PTPRG: variants seen among roughly 807,000 people sequenced by gnomAD.
PTPRG encodes the protein protein tyrosine phosphatase receptor type G, also known as receptor-type tyrosine-protein phosphatase gamma.
PTPRG carries 102 observed loss-of-function variants against 165.3 expected under a neutral mutation model. The observed-to-expected ratio is 0.62, with a 90% CI of 0.53 to 0.73. PTPRG has a LOEUF of 0.73. PTPRG is among the 30% of genes least tolerant of loss of function. The pLI is 0.00. For synonymous variants in PTPRG, 675 were observed against 669.5 expected (o/e 1.01, Z -0.13); for missense variants, 1,866 against 1,861.4 (o/e 1.00, Z -0.05).
At chr3:61,695,972 G>T (rs1198831606) in intron 1 of PTPRG, among the ~76,000 whole-genome samples, 1 of 152,134 alleles carries the variant, frequency 6.6e-6, no homozygotes, top group Non-Finnish European at 1.5e-5. Flanking sequence ...GATGGAGTGA[G>T]ATAGGGATTT....
chr3:61,880,666 G>C (rs2037863652), intron 2 of PTPRG, among the ~76,000 whole-genome samples: 1 of 151,328 alleles, frequency 6.6e-6, no homozygotes, highest in Non-Finnish European at 1.5e-5. Flanking sequence ...ATGGCCAGGT[G>C]ATGAGGTATG....
At position 62,219,075 on chromosome 3, in the gene PTPRG, A is replaced by C; in HGVS notation, c.2288+92A>C. The C allele has an allele frequency of 3.3e-6, 5 of 1,494,096 alleles. No homozygotes were observed. The highest frequency in any genetic ancestry group is 4.5e-6 in the Non-Finnish European group (5 of 1,102,102). 92.6% of individuals were successfully genotyped at this position (1,494,096 alleles called of 1,614,324 possible). A position where few individuals can be genotyped will look rare whatever the true frequency, so the allele number is the denominator to read the frequency against. ...GGGGAATCCCACGGCCTCTGCATTC[A>C]GGAAGGTGAGGTAGCTTAAGTGTTT... is the stretch of plus-strand genomic sequence containing the variant. On this transcript the variant is annotated intron_variant, in intron 13 of 29. Coordinates refer to ENST00000474889, the MANE Select transcript of PTPRG (RefSeq NM_002841.4). This position sits in a 1 kb window ranked among gnomAD's most constrained non-coding sequence, Gnocchi z 4.5.
At chr3:62,181,600 A>G (rs539512139) in intron 8 of PTPRG, among the ~76,000 whole-genome samples, 1 of 152,300 alleles carries the variant, frequency 6.6e-6, no homozygotes, top group South Asian at 2.1e-4. Flanking sequence ...AAAAGCGTGT[A>G]ATTATATATG....
rs1424020745 is a variant in PTPRG at position 62,198,439 on chromosome 3, G to A, written c.1328-3066G>A. On this transcript the variant is annotated intron_variant, in intron 10 of 29. Coordinates refer to ENST00000474889, the MANE Select transcript of PTPRG (RefSeq NM_002841.4). ...CAAATACCTGCAGTCTTCAACAAAA[G>A]GTTGAAAATATTGATGAGATATTCA... is the stretch of plus-strand genomic sequence containing the variant. Among the ~76,000 whole-genome samples the A allele has an allele frequency of 4.6e-5, 7 of 152,112 alleles. No homozygotes were observed. The South Asian group carries it at 1.5e-3, about 32-fold the overall frequency.
At position 62,191,519 on chromosome 3, in the gene PTPRG, G is replaced by A. The variant is rs952319612; in HGVS notation, c.1084G>A (p.Ala362Thr). Residue 362 changes from alanine to threonine, a missense_variant, in exon 9 of 30, where the codon GCA (alanine) becomes ACA (threonine). Physicochemically the swap from Ala to Thr is moderately conservative, Grantham distance 58 (BLOSUM62 0). Around this residue, in one of 3 missense-constraint regions of PTPRG, gnomAD observed 1,452 missense variants for 1,463.0 expected, o/e 0.99. Transcript: ENST00000474889. The part of the protein sequence containing the change: ...HMKVQPLNQT[A>T]LQVSWSQPET... ...GAAGGTGCAGCCTCTGAACCAGACG[G>A]CACTGCAGGTGTCCTGGAGCCAGCC... The A allele has an allele frequency of 2.5e-6, 4 of 1,613,994 alleles. No homozygotes were observed. The highest frequency in any genetic ancestry group is 1.7e-5 in the Admixed American group (1 of 59,994).
chr3:62,195,748 A>C lies in PTPRG; in HGVS notation c.1327+578A>C, dbSNP rs1183878463. Among the ~76,000 whole-genome samples the C allele has an allele frequency of 6.6e-6, 1 of 152,150 alleles. No homozygotes were observed. The highest frequency in any genetic ancestry group is 6.5e-5 in the Admixed American group (1 of 15,268). On this transcript the variant is annotated intron_variant, in intron 10 of 29. Transcript: ENST00000474889. This position sits in a 1 kb window ranked among gnomAD's most constrained non-coding sequence, Gnocchi z 4.4. ...TTGCTCAAAATTTTAAGGGGCACCA[A>C]AAAATTGAGTGACCAAGAGACATAA...
chr3:61,971,091 C>T (rs753175375), intron 2 of PTPRG, among the ~76,000 whole-genome samples: 1 of 152,166 alleles, frequency 6.6e-6, no homozygotes, highest in Non-Finnish European at 1.5e-5. Context: ...ATGTCGCTGT[C>T]ACCCAGGCTG....
At chr3:61,794,205 A>T (rs1399575669) in intron 2 of PTPRG, among the ~76,000 whole-genome samples, 1 of 152,178 alleles carries the variant, frequency 6.6e-6, no homozygotes, top group African/African-American at 2.4e-5. Flanking sequence ...TTAAAAAAAA[A>T]TCAGAATAGA....
chr3:61,928,297 G>A (rs1423574537), intron 2 of PTPRG, among the ~76,000 whole-genome samples: 1 of 152,156 alleles, frequency 6.6e-6, no homozygotes, highest in Non-Finnish European at 1.5e-5. Flanking sequence ...CTCTCCTGCA[G>A]AATAATGCGA....
intron 2 of PTPRG, among the ~76,000 whole-genome samples, chr3:61,949,456 A>G (rs2039843324): frequency 6.6e-6 from 1 of 152,190 alleles, no homozygotes; most frequent in Admixed American, 6.5e-5. Flanking sequence ...TTGGTGGTGG[A>G]GAAACCACAA....
At chr3:61,890,717 A>G (rs910281633) in intron 2 of PTPRG, among the ~76,000 whole-genome samples, 1 of 152,040 alleles carries the variant, frequency 6.6e-6, no homozygotes, top group Non-Finnish European at 1.5e-5. Context: ...TCTAAACCCA[A>G]CTTGAGCCCT....
At chr3:61,743,567 T>G (rs562093747) in intron 1 of PTPRG, among the ~76,000 whole-genome samples, 1 of 152,188 alleles carries the variant, frequency 6.6e-6, no homozygotes, top group African/African-American at 2.4e-5. Flanking sequence ...AGGAGGAGAA[T>G]GCAGCAATGT....
chr3:61,863,608 C>A (rs1000041463), intron 2 of PTPRG, among the ~76,000 whole-genome samples: 1 of 152,170 alleles, frequency 6.6e-6, no homozygotes, highest in Admixed American at 6.6e-5. Flanking sequence ...ATTTGCTATG[C>A]AAAGCAATTA....
chr3:62,138,792 G>A lies in PTPRG; in HGVS notation c.682+6124G>A, dbSNP rs928443650. On this transcript the variant is annotated intron_variant, in intron 6 of 29. Coordinates refer to ENST00000474889, the MANE Select transcript of PTPRG (RefSeq NM_002841.4). ...GCTTCTCGTCCTTTCGGCTAAGATC[G>A]AGTATGTGTGCGTTATGTCCTGTGT... Among the ~76,000 whole-genome samples the A allele has an allele frequency of 6.0e-5, 9 of 151,054 alleles. No individual in the cohort carries two copies. The East Asian group carries it at 9.7e-4, about 16-fold the overall frequency.
At chr3:61,791,406 T>C (rs1294184675) in intron 2 of PTPRG, among the ~76,000 whole-genome samples, 1 of 152,260 alleles carries the variant, frequency 6.6e-6, no homozygotes, top group East Asian at 1.9e-4. Context: ...ACCAAAATGA[T>C]TCTTTTACTT....
intron 2 of PTPRG, among the ~76,000 whole-genome samples, chr3:61,938,412 G>A (rs2039532528): frequency 6.6e-6 from 1 of 152,040 alleles, no homozygotes; most frequent in South Asian, 2.1e-4. Context: ...CTTTTGCTAT[G>A]CCTCATACAT....
chr3:61,805,431 AAAG>A (rs2035383263), intron 2 of PTPRG, among the ~76,000 whole-genome samples: 1 of 152,144 alleles, frequency 6.6e-6, no homozygotes, highest in African/African-American at 2.4e-5. Context: ...TATTTCAAGA[AAAG>A]AAAAACGCTG....
At chr3:62,263,073 C>T in intron 17 of PTPRG, 179 bp downstream of exon 17, 1 of 540,438 alleles carries the variant, frequency 1.9e-6, no homozygotes, top group Non-Finnish European at 3.3e-6. Flanking sequence ...TCCCCCTTAG[C>T]CTTTCATTAG....
chr3:61,968,645 A>T lies in PTPRG; in HGVS notation c.191-20980A>T, dbSNP rs546571419. Among the ~76,000 whole-genome samples the T allele has an allele frequency of 2.0e-4, 30 of 152,298 alleles. 1 individual carries two copies. The Middle Eastern group carries it at 0.02, about 104-fold the overall frequency. ...TAGATCTATTTGATATAGATTTCAAACTAAAATTCCAGGTAAAATTAAGGT... is the reference window on the plus strand; with the variant it reads ...TAGATCTATTTGATATAGATTTCAATCTAAAATTCCAGGTAAAATTAAGGT... On this transcript the variant is annotated intron_variant, in intron 2 of 29. Transcript: ENST00000474889.
Sources: allele counts gnomAD v4.1 joint callset (sites outside exome capture counted in the v4.1 genomes callset), GRCh38; gene constraint gnomAD v4.1.1; regional missense constraint gnomAD v4.1.1; non-coding constraint Gnocchi (gnomAD v3.1); transcripts MANE v1.5; gene names NCBI Gene and HGNC (gene_info 2026-07-23, HGNC 2026-07-21).